ARHGEF3: variants seen among roughly 807,000 people sequenced by gnomAD.
The protein encoded by ARHGEF3 is Rho guanine nucleotide exchange factor 3, also known as 59.8 kDA protein.
A neutral mutation model predicts 63.2 loss-of-function variants in ARHGEF3; 28 were observed. The observed-to-expected ratio is 0.44, with a 90% CI of 0.33 to 0.61. The LOEUF is 0.61. Among genes scored for constraint, ARHGEF3 ranks in the 20% least tolerant of loss-of-function variants. The pLI, the probability that ARHGEF3 is intolerant of heterozygous loss-of-function variation, is 0.03. For missense variants in ARHGEF3, 533 were observed against 659.3 expected, an observed-to-expected ratio of 0.81 and a Z score of 2.10; for synonymous variants, 266 against 254.2, an observed-to-expected ratio of 1.05 and a Z score of -0.44.
chr3:56,939,522 A>G (rs544225709), intron 3 of ARHGEF3, among the ~76,000 whole-genome samples: 4 of 152,360 alleles, frequency 2.6e-5, no homozygotes, highest in African/African-American at 9.6e-5. Flanking sequence ...AAAACCCCTG[A>G]CTGAACCCCA....
At chr3:57,033,721 A>G (rs1160669072) in intron 2 of ARHGEF3, among the ~76,000 whole-genome samples, 3 of 152,120 alleles carry the variant, frequency 2.0e-5, no homozygotes, top group African/African-American at 7.2e-5. Context: ...TATTTTTAAC[A>G]AGGAAAATCT....
At chr3:57,023,802 AC>A (rs1703359450) in intron 2 of ARHGEF3, among the ~76,000 whole-genome samples, 1 of 152,102 alleles carries the variant, frequency 6.6e-6, no homozygotes, top group Middle Eastern at 3.2e-3. Flanking sequence ...TGTTAGGTCC[AC>A]CCCAAAGGGA....
chr3:56,798,134 G>C (rs1246798168), intron 1 of ARHGEF3, among the ~76,000 whole-genome samples: 2 of 152,174 alleles, frequency 1.3e-5, no homozygotes, highest in African/African-American at 4.8e-5. Context: ...GTCATTTCTA[G>C]GTGCATGTCA....
chr3:56,998,897 C>T (rs1403509251), intron 2 of ARHGEF3, among the ~76,000 whole-genome samples: 1 of 152,172 alleles, frequency 6.6e-6, no homozygotes, highest in Non-Finnish European at 1.5e-5. Context: ...TCTGGGCCCT[C>T]ACAGTGTTTT....
At chr3:56,827,206 T>C (rs977736495) in intron 4 of ARHGEF3, among the ~76,000 whole-genome samples, 3 of 151,970 alleles carry the variant, frequency 2.0e-5, no homozygotes, top group Non-Finnish European at 4.4e-5. Context: ...ACTGGGAAAA[T>C]ATAGTTACAA....
At chr3:56,752,662 GGCAAATCTTGAT>G (rs1235195873) in intron 4 of ARHGEF3, among the ~76,000 whole-genome samples, 1 of 152,198 alleles carries the variant, frequency 6.6e-6, no homozygotes, top group African/African-American at 2.4e-5. Flanking sequence ...GCTTGAGTTT[GGCAAATCTTGAT>G]GCAGGAAAGG....
rs755931825 is a variant in ARHGEF3, at chr3:56,737,279, C to T, written c.947G>A (p.Arg316Gln). The T allele has an allele frequency of 9.9e-6, 16 of 1,613,466 alleles. 1 individual carries two copies. The highest frequency in any genetic ancestry group is 8.8e-5 in the South Asian group (8 of 91,066). ...CTGGCCTTCTTCCAAGTAAAGAAGCCGCTCTTTATAATAGCGGCATTCAGA... is the reference window on the plus strand; with the variant it reads ...CTGGCCTTCTTCCAAGTAAAGAAGCTGCTCTTTATAATAGCGGCATTCAGA... ...GESECRYYKERLLYLEEGQKD... is the reference protein window; with the variant it reads ...GESECRYYKEQLLYLEEGQKD... Residue 316 changes from arginine to glutamine, a missense_variant, in exon 8 of 10, where the codon CGG (arginine) becomes CAG (glutamine). By Grantham distance (43) the Arg-to-Gln change is conservative (BLOSUM62 1). Transcript: ENST00000296315.
intron 2 of ARHGEF3, among the ~76,000 whole-genome samples, chr3:56,979,625 C>T (rs1164677656): frequency 1.3e-5 from 2 of 152,218 alleles, no homozygotes; most frequent in East Asian, 1.9e-4. Context: ...GTCCACATCA[C>T]GACTGCAGGT....
chr3:56,788,654 G>A (rs924667821), intron 1 of ARHGEF3, among the ~76,000 whole-genome samples: 36 of 151,812 alleles, frequency 2.4e-4, no homozygotes, highest in African/African-American at 8.5e-4. Flanking sequence ...GTCTGTGTCC[G>A]TGGTTGGCAC....
intron 3 of ARHGEF3, among the ~76,000 whole-genome samples, chr3:56,953,388 T>C (rs374193529): frequency 2.6e-5 from 4 of 152,350 alleles, no homozygotes; most frequent in African/African-American, 7.2e-5. Flanking sequence ...TGAGGACCTC[T>C]TGTCAAAAGA....
intron 2 of ARHGEF3, among the ~76,000 whole-genome samples, chr3:56,968,245 T>TACA (rs1491092573): frequency 2.3e-5 from 1 of 43,038 alleles, no homozygotes; most frequent in Non-Finnish European, 4.2e-5. Context: ...AATATATATA[T>TACA]TAATATATAA....
At chr3:57,061,818 TA>T (rs1204727080) in intron 1 of ARHGEF3, among the ~76,000 whole-genome samples, 1 of 152,208 alleles carries the variant, frequency 6.6e-6, no homozygotes, top group African/African-American at 2.4e-5. Context: ...AGGTGTGGTA[TA>T]ATTATTTTCA....
chr3:56,865,117 A>G (rs1250162219), intron 4 of ARHGEF3, among the ~76,000 whole-genome samples: 1 of 152,102 alleles, frequency 6.6e-6, no homozygotes, highest in Non-Finnish European at 1.5e-5. Flanking sequence ...CTCATTTCAG[A>G]CACTCCTCCA....
Position 56,727,476 on chromosome 3 carries a change from C to G in ARHGEF3, c.*1794G>C, listed in dbSNP as rs568587867. On this transcript the variant is annotated 3_prime_UTR_variant, in exon 10 of 10. Coordinates refer to ENST00000296315, the MANE Select transcript of ARHGEF3 (RefSeq NM_019555.3). ...TCCAGAAAAGTTTAAGGCCATTATA[C>G]AAAAACATTCATTTCATCAAAACAT... is the stretch of plus-strand genomic sequence containing the variant. The G allele has an allele frequency of 9.8e-5, 15 of 152,710 alleles. No homozygotes were observed. Among genetic ancestry groups the G allele is most frequent in the African/African-American group, 3.6e-4 (15 of 41,566 alleles). The allele number at this position is 152,710 out of a possible 1,614,324, so 9.5% of individuals were successfully genotyped here.
chr3:56,935,862 T>C (rs975949201), intron 3 of ARHGEF3, among the ~76,000 whole-genome samples: 2 of 152,234 alleles, frequency 1.3e-5, no homozygotes, highest in Non-Finnish European at 2.9e-5. Flanking sequence ...TGCTAAATAC[T>C]TGATATGATT....
chr3:56,744,923 G>GT (rs1440151938), intron 7 of ARHGEF3, among the ~76,000 whole-genome samples: 5 of 152,214 alleles, frequency 3.3e-5, no homozygotes, highest in Admixed American at 6.5e-5. Flanking sequence ...GACAGCAACT[G>GT]TAACACCAGA....
chr3:56,918,820 A>G (rs1303748719), intron 3 of ARHGEF3, among the ~76,000 whole-genome samples: 1 of 152,242 alleles, frequency 6.6e-6, no homozygotes, highest in East Asian at 1.9e-4. Flanking sequence ...AAACATGTTT[A>G]TGTATTGGTT....
chr3:56,997,552 G>A (rs533594928), intron 2 of ARHGEF3, among the ~76,000 whole-genome samples: 5 of 152,174 alleles, frequency 3.3e-5, no homozygotes, highest in Non-Finnish European at 7.3e-5. Context: ...GTGGGGTCTG[G>A]CAGCCTCTCC....
intron 1 of ARHGEF3, among the ~76,000 whole-genome samples, chr3:56,789,461 A>G (rs762620384): frequency 1.3e-5 from 2 of 152,252 alleles, no homozygotes; most frequent in Non-Finnish European, 2.9e-5. Context: ...AAGTTGGCTA[A>G]CGTAGCACAG....
Sources: gnomAD v4.1 joint callset for allele counts (sites outside exome capture counted in the v4.1 genomes callset) on GRCh38, gnomAD v4.1.1 for gene constraint, MANE v1.5 for transcripts, NCBI Gene and HGNC (gene_info 2026-07-23, HGNC 2026-07-21) for gene names.